The following EXOC4 variants were observed in gnomAD, a reference collection of about 807,000 sequenced individuals.
The protein encoded by EXOC4 is exocyst complex component 4, also known as SEC8-like 1.
EXOC4 carries 71 observed loss-of-function variants against 107.2 expected under a neutral mutation model. That is an observed-to-expected ratio of 0.66 (90% CI 0.55 to 0.81). The LOEUF (loss-of-function observed/expected upper bound fraction) is 0.81, where lower values mean the gene tolerates loss of function less well. Ranked by LOEUF, EXOC4 falls within the 30% of genes least tolerant of loss-of-function variation. The pLI is 0.00. For synonymous variants in EXOC4, 456 were observed against 441.2 expected, an observed-to-expected ratio of 1.03 and a Z score of -0.42; for missense variants, 1,108 against 1,189.6, an observed-to-expected ratio of 0.93 and a Z score of 1.01.
In EXOC4 at chr7:133,917,594, A is replaced by G. The variant is rs764260310; in HGVS notation, c.1883A>G (p.Gln628Arg). Residue 628 changes from glutamine (Q) to arginine (R), a missense_variant, in exon 13 of 18, where the codon CAG (glutamine) becomes CGG (arginine). Coordinates refer to ENST00000253861, the MANE Select transcript of EXOC4 (RefSeq NM_021807.4). ...TTGGCTGTGTTTAGGGGTATTGTCC[A>G]GTCAGAAGAAAAACTTGTCATCAGT... is the stretch of plus-strand genomic sequence containing the variant. The part of the protein sequence containing the change: ...TCTAAYRGIV[Q>R]SEEKLVISAS... 4.3e-6 allele frequency: 7 copies of G among 1,614,028 alleles called. No homozygotes were observed. The highest frequency in any genetic ancestry group is 2.2e-5 in the East Asian group (1 of 44,864).
intron 8 of EXOC4, among the ~76,000 whole-genome samples, chr7:133,477,920 C>T (rs1369912984): frequency 6.6e-6 from 1 of 152,150 alleles, no homozygotes; most frequent in Non-Finnish European, 1.5e-5. Flanking sequence ...TTGTCTTAAA[C>T]TAGGCAGGTT....
chr7:133,353,591 T>C (rs1271749717), intron 5 of EXOC4, among the ~76,000 whole-genome samples: 1 of 152,162 alleles, frequency 6.6e-6, no homozygotes, highest in Non-Finnish European at 1.5e-5. Context: ...TTTTGAAAAT[T>C]TGATTTTAAT....
At chr7:133,375,925 T>C (rs1341217153) in intron 7 of EXOC4, among the ~76,000 whole-genome samples, 1 of 152,156 alleles carries the variant, frequency 6.6e-6, no homozygotes, top group Non-Finnish European at 1.5e-5. Context: ...TAATTAAGAG[T>C]TAGCTGAAGC....
At chr7:133,670,101 C>T (rs1274262489) in intron 10 of EXOC4, among the ~76,000 whole-genome samples, 2 of 152,132 alleles carry the variant, frequency 1.3e-5, no homozygotes, top group Admixed American at 6.5e-5. Context: ...ACTGCTGTGG[C>T]GAGGGTGTTT....
intron 9 of EXOC4, among the ~76,000 whole-genome samples, chr7:133,483,748 A>G (rs1799209849): frequency 6.6e-6 from 1 of 152,216 alleles, no homozygotes; most frequent in South Asian, 2.1e-4. Context: ...TTCAGGAGGA[A>G]AAGTTTCTCT....
chr7:133,667,260 A>C (rs1046406286), intron 10 of EXOC4, among the ~76,000 whole-genome samples: 3 of 152,240 alleles, frequency 2.0e-5, no homozygotes, highest in African/African-American at 7.2e-5. Flanking sequence ...GAGAGTTGGC[A>C]TGCTGGCTTT....
Position 133,588,020 on chromosome 7 carries a change from G to A in EXOC4, c.1418-42025G>A, listed in dbSNP as rs373136178. On this transcript the variant is annotated intron_variant, in intron 9 of 17. Coordinates refer to ENST00000253861, the MANE Select transcript of EXOC4 (RefSeq NM_021807.4). ...GAGTTTGTTTTTCCCTTGAGGATTT[G>A]ACATTTTCTGTTTCCTGACATTTTT... is the stretch of plus-strand genomic sequence containing the variant. Among the ~76,000 whole-genome samples the A allele has an allele frequency of 4.9e-4, 75 of 152,244 alleles. 1 individual carries two copies. The South Asian group carries it at 0.016, about 32-fold the overall frequency.
intron 11 of EXOC4, among the ~76,000 whole-genome samples, chr7:133,861,465 G>T (rs190318397): frequency 5.3e-5 from 8 of 152,182 alleles, no homozygotes; most frequent in Admixed American, 4.6e-4. Context: ...GAAACTCCTG[G>T]GCACCACCCC....
chr7:133,509,444 T>C (rs1799726348), intron 9 of EXOC4, among the ~76,000 whole-genome samples: 1 of 151,310 alleles, frequency 6.6e-6, no homozygotes, highest in South Asian at 2.1e-4. Flanking sequence ...AAAAAAGAAA[T>C]ATAAGCAGAG....
At chr7:133,972,964 C>T (rs567346912) in intron 14 of EXOC4, among the ~76,000 whole-genome samples, 1 of 152,194 alleles carries the variant, frequency 6.6e-6, no homozygotes, top group Non-Finnish European at 1.5e-5. Context: ...CACACATAGA[C>T]AGGGATTCAT....
Position 133,783,976 on chromosome 7 carries a change from C to T in EXOC4, c.1515-33349C>T, listed in dbSNP as rs547233927. Reference sequence around the variant, plus strand: ...ACTTATGCATGTAATATATTATATTCCTCATACCCCCATCCTTCTGCTCTT... The same window carrying T: ...ACTTATGCATGTAATATATTATATTTCTCATACCCCCATCCTTCTGCTCTT... On this transcript the variant is annotated intron_variant, in intron 10 of 17. Transcript: ENST00000253861. Among the ~76,000 whole-genome samples the T allele has an allele frequency of 2.0e-5, 3 of 152,166 alleles. No homozygotes were observed. In the East Asian group the frequency reaches 5.8e-4, roughly 29 times the overall value.
At chr7:134,025,144 C>T (rs1456555522) in intron 17 of EXOC4, among the ~76,000 whole-genome samples, 1 of 152,138 alleles carries the variant, frequency 6.6e-6, no homozygotes, top group East Asian at 1.9e-4. Context: ...TTGTTACATA[C>T]ATATATTTAT....
intron 9 of EXOC4, among the ~76,000 whole-genome samples, chr7:133,626,082 C>T (rs1802447284): frequency 6.6e-6 from 1 of 152,104 alleles, no homozygotes; most frequent in Non-Finnish European, 1.5e-5. Flanking sequence ...TGGTGCGTGC[C>T]TGTAATCCCA....
intron 11 of EXOC4, among the ~76,000 whole-genome samples, chr7:133,872,434 C>T (rs1251111534): frequency 6.6e-6 from 1 of 152,046 alleles, no homozygotes; most frequent in East Asian, 1.9e-4. Context: ...CTATCAAAAA[C>T]GCAAGCCGGG....
chr7:133,536,553 T>C (rs183181259), intron 9 of EXOC4, among the ~76,000 whole-genome samples: 51 of 151,946 alleles, frequency 3.4e-4, no homozygotes, highest in African/African-American at 9.6e-4. Context: ...CTGTTCTTGT[T>C]TCTTTCTTTC....
chr7:133,783,071 G>T (rs1170753621), intron 10 of EXOC4, among the ~76,000 whole-genome samples: 4 of 152,150 alleles, frequency 2.6e-5, no homozygotes, highest in Non-Finnish European at 5.9e-5. Context: ...GTATTTTGAA[G>T]ATTGGTAATA....
chr7:133,806,516 G>A (rs1311906181), intron 10 of EXOC4, among the ~76,000 whole-genome samples: 2 of 152,134 alleles, frequency 1.3e-5, no homozygotes, highest in Admixed American at 1.3e-4. Flanking sequence ...ATATTCAAAT[G>A]CTTATATTTA....
At chr7:133,641,793 A>C (rs1802862235) in intron 10 of EXOC4, among the ~76,000 whole-genome samples, 1 of 152,232 alleles carries the variant, frequency 6.6e-6, no homozygotes, top group Non-Finnish European at 1.5e-5. Context: ...AAAATTGTAC[A>C]AAAATAGGCC....
intron 9 of EXOC4, among the ~76,000 whole-genome samples, chr7:133,546,494 G>A (rs998924398): frequency 3.3e-5 from 5 of 152,054 alleles, no homozygotes; most frequent in African/African-American, 7.2e-5. Flanking sequence ...CACCTCAAGC[G>A]ATCTGCCTGC....
Sources: allele counts gnomAD v4.1 joint callset (sites outside exome capture counted in the v4.1 genomes callset), GRCh38; gene constraint gnomAD v4.1.1; transcripts MANE v1.5; gene names NCBI Gene and HGNC (gene_info 2026-07-23, HGNC 2026-07-21).